PAPPA2: variants seen among roughly 807,000 people sequenced by gnomAD.
PAPPA2 encodes the protein pappalysin 2.
Under a neutral mutation model 176.4 loss-of-function variants are expected in PAPPA2, and 86 were observed. The observed-to-expected ratio is 0.49, with a 90% CI of 0.41 to 0.58. The LOEUF is 0.58. Among genes scored for constraint, PAPPA2 ranks in the 20% least tolerant of loss-of-function variants. The pLI is 0.00. For missense variants in PAPPA2, 2,073 were observed against 2,256.9 expected (o/e 0.92, Z 1.65); for synonymous variants, 809 against 852.2 (o/e 0.95, Z 0.88).
chr1:176,524,998 C>T (rs1021252901), intron 1 of PAPPA2, among the ~76,000 whole-genome samples: 6 of 152,058 alleles, frequency 3.9e-5, no homozygotes, highest in African/African-American at 1.2e-4. Context: ...GCCGAGTTCG[C>T]GCCACTGCAC....
chr1:176,641,903 A>G (rs552038978), intron 3 of PAPPA2, among the ~76,000 whole-genome samples: 88 of 152,086 alleles, frequency 5.8e-4, no homozygotes, highest in African/African-American at 2.0e-3. Flanking sequence ...AAGGAGGTCT[A>G]GGTTAGTGTG....
intron 14 of PAPPA2, among the ~76,000 whole-genome samples, chr1:176,746,234 G>T (rs1371807829): frequency 6.6e-6 from 1 of 152,180 alleles, no homozygotes; most frequent in African/African-American, 2.4e-5. Context: ...TCATGGTCCA[G>T]CTCTAGTATC....
chr1:176,709,174 T>C (rs1661027612), intron 10 of PAPPA2, among the ~76,000 whole-genome samples: 1 of 152,180 alleles, frequency 6.6e-6, no homozygotes, highest in African/African-American at 2.4e-5. Context: ...TTTTCTTAGA[T>C]ATTCATTTAT....
At position 176,843,962 on chromosome 1, in the gene PAPPA2, G is replaced by A. The variant is rs1222858140; in HGVS notation, c.*1508G>A. 1 of 146,940 alleles carries A rather than the reference G, an allele frequency of 6.8e-6. No individual in the cohort carries two copies. The highest frequency in any genetic ancestry group is 2.5e-5 in the African/African-American group (1 of 40,354). The allele number at this position is 146,940 out of a possible 1,614,324, so 9.1% of individuals were successfully genotyped here. On this transcript the variant is annotated 3_prime_UTR_variant, in exon 23 of 23. Coordinates refer to ENST00000367662, the MANE Select transcript of PAPPA2 (RefSeq NM_020318.3). ...TCAACTATTTAATGTCCATTTTGTT[G>A]TTTTTACCCTTTCTTATCCAATAGA...
intron 6 of PAPPA2, among the ~76,000 whole-genome samples, chr1:176,693,156 AGACT>A (rs2102809861): frequency 6.6e-6 from 1 of 152,352 alleles, no homozygotes; most frequent in South Asian, 2.1e-4. Flanking sequence ...TGACCTGTGC[AGACT>A]GACCTCTTTC....
chr1:176,540,201 G>A (rs943028511), intron 1 of PAPPA2, among the ~76,000 whole-genome samples: 26 of 152,188 alleles, frequency 1.7e-4, no homozygotes, highest in Non-Finnish European at 3.2e-4. Context: ...GGGTCATTGG[G>A]TAGAAAGACG....
intron 21 of PAPPA2, among the ~76,000 whole-genome samples, chr1:176,830,510 T>G (rs1265861483): frequency 1.3e-5 from 2 of 152,218 alleles, no homozygotes; most frequent in Non-Finnish European, 2.9e-5. Context: ...ACCTCTTTTG[T>G]TCAAGGTTTC....
Position 176,767,843 on chromosome 1 carries a change from T to C in PAPPA2, c.4324-1764T>C, listed in dbSNP as rs568643688. Among the ~76,000 whole-genome samples the C allele has an allele frequency of 2.0e-4, 30 of 152,342 alleles. No homozygotes were observed. The South Asian group carries it at 4.1e-3, about 21-fold the overall frequency. On this transcript the variant is annotated intron_variant, in intron 15 of 22. Transcript: ENST00000367662. Reference sequence around the variant, plus strand: ...CAGGCTGGTCCCATGAAGAAAATTATAGAATCCTGGTCGTGATCACAAGAC... The same window carrying C: ...CAGGCTGGTCCCATGAAGAAAATTACAGAATCCTGGTCGTGATCACAAGAC...
chr1:176,730,213 A>G (rs975654086), intron 12 of PAPPA2, among the ~76,000 whole-genome samples: 3 of 152,056 alleles, frequency 2.0e-5, no homozygotes, highest in African/African-American at 7.2e-5. Flanking sequence ...TTTCTTCAAA[A>G]TTTGGCAGAG....
At position 176,695,720 on chromosome 1, in the gene PAPPA2, A is replaced by T. The variant is rs377149374; in HGVS notation, c.2625-18A>T. 7.4e-6 allele frequency: 12 copies of T among 1,613,262 alleles called. No individual in the cohort carries two copies. In the African/African-American group the frequency reaches 1.6e-4, roughly 22 times the overall value. Reference sequence around the variant, plus strand: ...TGGACTCTCCTCATCTCCCATCTCCATCCCTTTATCTCCCCAGGGCCTCAG... The same window carrying T: ...TGGACTCTCCTCATCTCCCATCTCCTTCCCTTTATCTCCCCAGGGCCTCAG... On this transcript the variant is annotated intron_variant, in intron 6 of 22. Coordinates refer to ENST00000367662, the MANE Select transcript of PAPPA2 (RefSeq NM_020318.3).
chr1:176,590,984 T>G (rs1653620969), intron 2 of PAPPA2, among the ~76,000 whole-genome samples: 1 of 152,028 alleles, frequency 6.6e-6, no homozygotes, highest in Non-Finnish European at 1.5e-5. Context: ...GTTTTACCAC[T>G]TAAATAATAG....
At chr1:176,489,527 T>C (rs899425703) in intron 1 of PAPPA2, among the ~76,000 whole-genome samples, 2 of 152,184 alleles carry the variant, frequency 1.3e-5, no homozygotes, top group Non-Finnish European at 2.9e-5. Flanking sequence ...GGTAAATGCC[T>C]GAAATCTGCA....
intron 21 of PAPPA2, among the ~76,000 whole-genome samples, chr1:176,818,116 G>GTGTT (rs1222052342): frequency 6.6e-6 from 1 of 152,130 alleles, no homozygotes; most frequent in Non-Finnish European, 1.5e-5. Context: ...ATGGTGAAGA[G>GTGTT]TGTTAAATGC....
chr1:176,593,842 C>A (rs1484558772), intron 2 of PAPPA2, among the ~76,000 whole-genome samples: 1 of 152,176 alleles, frequency 6.6e-6, no homozygotes, highest in Non-Finnish European at 1.5e-5. Context: ...ATTCTACTAA[C>A]CCAGTGGTTA....
At chr1:176,739,858 G>T in intron 13 of PAPPA2, 97 bp downstream of exon 13, 1 of 1,568,100 alleles carries the variant, frequency 6.4e-7, no homozygotes, top group Non-Finnish European at 8.7e-7. Context: ...CTGGGATCTT[G>T]CCTACATCAT....
intron 2 of PAPPA2, among the ~76,000 whole-genome samples, chr1:176,573,099 C>T (rs1573061195): frequency 6.6e-6 from 1 of 152,232 alleles, no homozygotes; most frequent in South Asian, 2.1e-4. Flanking sequence ...GTGGGTGCCA[C>T]CAGGTCTCTG....
intron 20 of PAPPA2, among the ~76,000 whole-genome samples, chr1:176,795,336 T>C (rs1345082597): frequency 6.6e-6 from 1 of 152,114 alleles, no homozygotes; most frequent in East Asian, 1.9e-4. Flanking sequence ...CATCTTTTAC[T>C]CAGGAGGAGG....
chr1:176,525,093 T>A (rs1649430343), intron 1 of PAPPA2, among the ~76,000 whole-genome samples: 1 of 152,110 alleles, frequency 6.6e-6, no homozygotes, highest in African/African-American at 2.4e-5. Context: ...ACAGGACACT[T>A]TAAGGAAGCA....
intron 12 of PAPPA2, among the ~76,000 whole-genome samples, chr1:176,722,942 T>C (rs1402447246): frequency 1.3e-5 from 2 of 152,190 alleles, no homozygotes; most frequent in Non-Finnish European, 2.9e-5. Context: ...CTTCTGATGG[T>C]ATAACAGAAT....
Sources: allele counts gnomAD v4.1 joint callset (sites outside exome capture counted in the v4.1 genomes callset), GRCh38; gene constraint gnomAD v4.1.1; transcripts MANE v1.5; gene names NCBI Gene and HGNC (gene_info 2026-07-23, HGNC 2026-07-21).